The following CD22 variants were observed in gnomAD, a reference collection of about 807,000 sequenced individuals.
The protein encoded by CD22 is B-cell receptor CD22.
In CD22, 51 loss-of-function variants were observed where a neutral mutation model predicts 94.7. That is an observed-to-expected ratio of 0.54 (90% confidence interval 0.43 to 0.68). The LOEUF is 0.68. CD22 is among the 30% of genes least tolerant of loss of function. The pLI, the probability that CD22 is intolerant of heterozygous loss-of-function variation, is 0.00. For synonymous variants in CD22, 424 were observed against 422.5 expected (o/e 1.00, Z -0.04); for missense variants, 931 against 1,060.4 (o/e 0.88, Z 1.69).
chr19:35,332,490 CTT>C (rs1301733469), intron 2 of CD22, 55 bp from the exon 3 acceptor site: 1 of 1,466,004 alleles, frequency 6.8e-7, no homozygotes, highest in Non-Finnish European at 9.1e-7. Flanking sequence ...TAAAAAATAA[CTT>C]TTAAAAGAAG....
At position 35,337,756 on chromosome 19, in the gene CD22, C is replaced by T. The variant is rs1304633700; in HGVS notation, c.720C>T (p.His240=). ...CCGACTGCCCCTCTGCTCCTCCAGA[C>T]ACCCCGAAGTTGGAGATCAAGGTCA... The part of the protein sequence containing the change: ...SNDTVQLNVK[H]TPKLEIKVTP... Residue 240 remains histidine, a splice_region_variant and synonymous_variant, in exon 5 of 14, where the codon CAC becomes CAT. Coordinates refer to ENST00000085219, the MANE Select transcript of CD22 (RefSeq NM_001771.4). This position sits in a 1 kb window ranked among gnomAD's most constrained non-coding sequence, Gnocchi z 4.4. 1 of 1,591,606 alleles carries T rather than the reference C, an allele frequency of 6.3e-7. No homozygotes were observed. The highest frequency in any genetic ancestry group is 1.7e-5 in the Admixed American group (1 of 59,408).
At chr19:35,335,885 T>C (rs547492161) in intron 3 of CD22, 151 bp from the exon 4 acceptor site, 11 of 663,246 alleles carry the variant, frequency 1.7e-5, no homozygotes, top group South Asian at 7.7e-5. Flanking sequence ...ACAACAACAA[T>C]AACAACAAAA....
chr19:35,335,434 G>A (rs1287482345), intron 3 of CD22, among the ~76,000 whole-genome samples: 1 of 152,116 alleles, frequency 6.6e-6, no homozygotes, highest in Non-Finnish European at 1.5e-5. Flanking sequence ...GCACATGCCT[G>A]TAGTCCCAGT....
chr19:35,344,542 A>G (rs1461844826), intron 9 of CD22, among the ~76,000 whole-genome samples: 1 of 152,232 alleles, frequency 6.6e-6, no homozygotes, highest in African/African-American at 2.4e-5. Context: ...TCACACAGCT[A>G]TACTGCCGTG....
rs1413872290 is a variant in CD22, at chr19:35,332,624, G to T, written c.112G>T (p.Ala38Ser). ...HPETLYAWEG[A>S]CVWIPCTYRA... is the part of the protein sequence containing the mutation. Reference sequence around the variant, plus strand: ...TGAAACCCTCTACGCCTGGGAGGGGGCCTGCGTCTGGATCCCCTGCACCTA... The same window carrying T: ...TGAAACCCTCTACGCCTGGGAGGGGTCCTGCGTCTGGATCCCCTGCACCTA... The change falls in exon 3 of 14, where the codon GCC (alanine) becomes TCC (serine). Residue 38 changes from alanine to serine, a missense_variant. Physicochemically the swap from Ala to Ser is moderately conservative, Grantham distance 99. Coordinates refer to ENST00000085219, the MANE Select transcript of CD22 (RefSeq NM_001771.4). The T allele has an allele frequency of 2.5e-6, 4 of 1,614,020 alleles. No homozygotes were observed. In the South Asian group the frequency reaches 4.4e-5, roughly 18 times the overall value.
At chr19:35,340,442 A>G (rs1481491309) in intron 6 of CD22, among the ~76,000 whole-genome samples, 1 of 151,602 alleles carries the variant, frequency 6.6e-6, no homozygotes, top group East Asian at 1.9e-4. Context: ...ACCAGCATGC[A>G]TAGCTAATTT....
intron 9 of CD22, among the ~76,000 whole-genome samples, chr19:35,342,932 C>T (rs947083295): frequency 6.6e-6 from 1 of 151,970 alleles, no homozygotes; most frequent in Non-Finnish European, 1.5e-5. Flanking sequence ...TGCCTCAGCT[C>T]CCCGAGTAGC....
At position 35,337,301 on chromosome 19, in the gene CD22, C is replaced by T. The variant is rs910361192; in HGVS notation, c.719-454C>T. On this transcript the variant is annotated intron_variant, in intron 4 of 13. Transcript: ENST00000085219. This position sits in a 1 kb window ranked among gnomAD's most constrained non-coding sequence, Gnocchi z 4.4. ...CTGGAACGGAGGGAGTGGCTGAGGC[C>T]GGCACATATTTGGGAGAGGAGGATT... 1.3e-5 allele frequency among the ~76,000 whole-genome samples: 2 copies of T among 152,006 alleles called. No individual in the cohort carries two copies. Among genetic ancestry groups the T allele is most frequent in the African/African-American group, 4.8e-5 (2 of 41,382 alleles).
rs549484285 is a variant in CD22 at position 35,338,037 on chromosome 19, C to G, written c.985+16C>G. Reference sequence around the variant, plus strand: ...CAAGTGCAGTGTGAGCCCCTCGGAGCTGGGGACAGGCCAGGCAGGGAGGTA... The same window carrying G: ...CAAGTGCAGTGTGAGCCCCTCGGAGGTGGGGACAGGCCAGGCAGGGAGGTA... On this transcript the variant is annotated intron_variant, in intron 5 of 13. Coordinates refer to ENST00000085219, the MANE Select transcript of CD22 (RefSeq NM_001771.4). The G allele has an allele frequency of 4.4e-6, 7 of 1,597,752 alleles. No individual in the cohort carries two copies. The African/African-American group carries it at 9.3e-5, about 21-fold the overall frequency.
intron 3 of CD22, among the ~76,000 whole-genome samples, chr19:35,333,387 A>C (rs1568484440): frequency 6.6e-6 from 1 of 152,106 alleles, no homozygotes; most frequent in African/African-American, 2.4e-5. Context: ...CTCCCTATAG[A>C]GGAAACTGGG....
At chr19:35,345,485 CA>C in intron 11 of CD22, 116 bp from the exon 12 acceptor site, 2 of 574,846 alleles carry the variant, frequency 3.5e-6, no homozygotes, top group East Asian at 3.0e-5. Context: ...AGTGGGGAAA[CA>C]AGGTGAAGGA....
chr19:35,332,719 G>A lies in CD22; in HGVS notation c.207G>A (p.Ser69=), dbSNP rs747204167. 51 of 1,614,002 alleles carry A rather than the reference G, an allele frequency of 3.2e-5. No individual in the cohort carries two copies. The highest frequency in any genetic ancestry group is 4.3e-5 in the Non-Finnish European group (51 of 1,180,052). ...ATCCTGAGTATAACAAGAACACCTCGAAGTTTGATGGGACAAGACTCTATG... is the reference window on the plus strand; with the variant it reads ...ATCCTGAGTATAACAAGAACACCTCAAAGTTTGATGGGACAAGACTCTATG... The part of the protein sequence containing the change: ...FHNPEYNKNT[S]KFDGTRLYES... Residue 69 remains serine, a synonymous_variant, in exon 3 of 14, where the codon TCG becomes TCA. Coordinates refer to ENST00000085219, the MANE Select transcript of CD22 (RefSeq NM_001771.4).
In CD22 at chr19:35,341,539, T is replaced by A; in HGVS notation, c.1704T>A (p.Ser568Arg). 1 of 1,613,874 alleles carries A rather than the reference T, an allele frequency of 6.2e-7. No individual in the cohort carries two copies. The highest frequency in any genetic ancestry group is 8.5e-7 in the Non-Finnish European group (1 of 1,180,002). ...CCATCTCCCCAGAAGATGCTGGGAG[T>A]TACAGCTGCTGGGTGAACAACTCCA... The part of the protein sequence containing the change: ...FDSISPEDAG[S>R]YSCWVNNSIG... Residue 568 changes from serine to arginine, a missense_variant, in exon 8 of 14, where the codon AGT becomes AGA. Transcript: ENST00000085219. The surrounding 1 kb of genome is among the most constrained non-coding windows in gnomAD (Gnocchi z 4.0).
rs2066895286 is a variant in CD22 at position 35,345,666 on chromosome 19, A to G, written c.2273A>G (p.Asp758Gly). Residue 758 changes from aspartate (D) to glycine (G), a missense_variant, in exon 12 of 14, where the codon GAT (aspartate) becomes GGT (glycine). Asp to Gly is a moderately conservative substitution (Grantham distance 94, BLOSUM62 -1). Transcript: ENST00000085219. The stretch of plus-strand genomic sequence containing the variant: ...GGATGCTACAATCCAATGATGGAAG[A>G]TGGCATTAGCTACACCACCCTGCGC... ...SLGCYNPMMEDGISYTTLRFP... is the reference protein window; with the variant it reads ...SLGCYNPMMEGGISYTTLRFP... 1.2e-6 allele frequency: 2 copies of G among 1,613,980 alleles called. No homozygotes were observed. The highest frequency in any genetic ancestry group is 3.3e-5 in the Admixed American group (2 of 60,014).
At chr19:35,336,978 G>C (rs1206777505) in intron 4 of CD22, among the ~76,000 whole-genome samples, 1 of 152,168 alleles carries the variant, frequency 6.6e-6, no homozygotes, top group Admixed American at 6.5e-5. Context: ...GGTGGCTCAC[G>C]CCTGTAATCC....
At chr19:35,339,349 G>C (rs1274943590) in intron 6 of CD22, among the ~76,000 whole-genome samples, 1 of 151,636 alleles carries the variant, frequency 6.6e-6, no homozygotes, top group African/African-American at 2.4e-5. Context: ...CTCACTTGAG[G>C]CCACGAGTTC....
At chr19:35,344,400 A>G (rs935680248) in intron 9 of CD22, among the ~76,000 whole-genome samples, 1 of 152,184 alleles carries the variant, frequency 6.6e-6, no homozygotes, top group African/African-American at 2.4e-5. Flanking sequence ...GGTTGCATAC[A>G]TCCTCCTCCC....
In CD22 at chr19:35,338,005, G is replaced by A; in HGVS notation, c.969G>A (p.Val323=). ...NDVGPGRSEE[V]FLQVQYAPEP... is the part of the protein sequence containing the mutation. ...TGGGCCCGGGAAGGTCGGAAGAAGT[G>A]TTCCTGCAAGTGCAGTGTGAGCCCC... The change falls in exon 5 of 14, where the codon GTG becomes GTA. Residue 323 remains valine, a synonymous_variant. Coordinates refer to ENST00000085219, the MANE Select transcript of CD22 (RefSeq NM_001771.4). 6.2e-7 allele frequency: 1 copy of A among 1,611,492 alleles called. No homozygotes were observed. The highest frequency in any genetic ancestry group is 8.5e-7 in the Non-Finnish European group (1 of 1,178,402).
intron 9 of CD22, among the ~76,000 whole-genome samples, chr19:35,344,110 C>T (rs1395788208): frequency 6.6e-6 from 1 of 152,198 alleles, no homozygotes; most frequent in African/African-American, 2.4e-5. Context: ...GCAGGAGAAT[C>T]GCTTGAACCC....
Sources: allele counts gnomAD v4.1 joint callset (sites outside exome capture counted in the v4.1 genomes callset), GRCh38; gene constraint gnomAD v4.1.1; non-coding constraint Gnocchi (gnomAD v3.1); transcripts MANE v1.5; gene names NCBI Gene and HGNC (gene_info 2026-07-23, HGNC 2026-07-21).